The following MYH16 variants were observed in gnomAD, a reference collection of about 807,000 sequenced individuals.
MYH16 encodes the protein myosin heavy chain 16.
chr7:99,267,481 C>A (rs894151445), intron 18 of MYH16, among the ~76,000 whole-genome samples: 6 of 152,180 alleles, frequency 3.9e-5, no homozygotes, highest in African/African-American at 1.4e-4. Context: ...CCACCTGCCT[C>A]GGCCTCCCAA....
At chr7:99,249,884 G>A (rs1269272661) in intron 4 of MYH16, 1 of 152,560 alleles carries the variant, frequency 6.6e-6, no homozygotes, top group Admixed American at 6.6e-5. Context: ...TAGAAACGGG[G>A]TCTCACCATG....
chr7:99,272,802 G>A (rs1792065855), intron 19 of MYH16, among the ~76,000 whole-genome samples, 37 bp from the exon 1 acceptor site: 1 of 151,882 alleles, frequency 6.6e-6, no homozygotes, highest in African/African-American at 2.4e-5. Context: ...CTATTTCTTT[G>A]TGGTCATAGA....
At chr7:99,285,620 A>G (rs76160904) in intron 27 of MYH16, among the ~76,000 whole-genome samples, 182 bp downstream of exon 9, 2 of 152,210 alleles carry the variant, frequency 1.3e-5, no homozygotes, top group East Asian at 3.9e-4. Context: ...CACATTAATC[A>G]TGACGTGAAA....
chr7:99,260,304 C>A (rs1791925186), exon 12 of MYH16: 1 of 1,471,338 alleles, frequency 6.8e-7, no homozygotes, highest in Non-Finnish European at 9.5e-7. Context: ...TTGGCCTCGA[C>A]CTTCAGGCCT....
chr7:99,308,666 G>A (rs888100953), downstream of MYH16, among the ~76,000 whole-genome samples: 2 of 152,178 alleles, frequency 1.3e-5, no homozygotes, highest in African/African-American at 4.8e-5. Context: ...CTGGGGGTGG[G>A]CCCAGCATCT....
chr7:99,260,140 C>T, intron 11 of MYH16: 1 of 1,583,708 alleles, frequency 6.3e-7, no homozygotes, highest in Middle Eastern at 1.9e-4. Context: ...TGACGCCCCT[C>T]TTTCTGCCCT....
chr7:99,260,250 G>C (rs1245687055), exon 12 of MYH16: 2 of 1,607,194 alleles, frequency 1.2e-6, no homozygotes, highest in Non-Finnish European at 1.7e-6. Flanking sequence ...TGCTGGAGCA[G>C]GAGGAGTACA....
intron 38 of MYH16, among the ~76,000 whole-genome samples, chr7:99,302,315 T>TACACACACACAC (rs1369453226): frequency 2.6e-5 from 2 of 77,976 alleles, no homozygotes; most frequent in African/African-American, 1.7e-4. Flanking sequence ...AAAAAAAATA[T>TACACACACACAC]ATACACACAC....
intron 4 of MYH16, among the ~76,000 whole-genome samples, chr7:99,249,538 C>CAAAAA (rs1222006408): frequency 1.2e-4 from 6 of 50,046 alleles, no homozygotes; most frequent in East Asian, 6.4e-4. Context: ...GACCCTCTCT[C>CAAAAA]AAAAAAAAAA....
At chr7:99,239,371 A>T (rs1791636392) in intron 1 of MYH16, among the ~76,000 whole-genome samples, 1 of 152,194 alleles carries the variant, frequency 6.6e-6, no homozygotes, top group African/African-American at 2.4e-5. Flanking sequence ...TTTTCTAAGC[A>T]TGAGAGTGAG....
intron 31 of MYH16, among the ~76,000 whole-genome samples, chr7:99,291,938 G>A (rs1325945651): frequency 1.3e-5 from 2 of 151,896 alleles, no homozygotes; most frequent in African/African-American, 4.8e-5. Flanking sequence ...AGTGAAACTC[G>A]GTCTCAGGAA....
At position 99,291,519 on chromosome 7, in the gene MYH16, T is replaced by C. The variant is rs933975393; in HGVS notation, n.3952+69T>C. The C allele has an allele frequency of 1.9e-5, 8 of 423,432 alleles. No homozygotes were observed. In the Admixed American group the frequency reaches 2.1e-4, roughly 11 times the overall value. The allele number at this position is 423,432 out of a possible 1,614,324, so 26.2% of individuals were successfully genotyped here. ...TTAAAGTTATAGGTTACAGCTGGGG[T>C]TGGTGGCTCATGCCTGTAATCCCAG... On this transcript the variant is annotated intron_variant and non_coding_transcript_variant, in intron 31 of 41. Coordinates refer to ENST00000439784, the Ensembl canonical transcript of MYH16.
chr7:99,243,790 C>G, intron 2 of MYH16, among the ~76,000 whole-genome samples: 1 of 150,586 alleles, frequency 6.6e-6, no homozygotes, highest in South Asian at 2.1e-4. Flanking sequence ...TCTATCCATT[C>G]ATTCATCCAT....
intron 15 of MYH16, chr7:99,264,340 A>G (rs1342560056): frequency 1.3e-5 from 2 of 152,546 alleles, no homozygotes; most frequent in Admixed American, 6.6e-5. Flanking sequence ...CCTCCCTTTC[A>G]ATGTTGGGTA....
At chr7:99,289,002 T>C (rs1425798516) in intron 29 of MYH16, among the ~76,000 whole-genome samples, 2 of 151,916 alleles carry the variant, frequency 1.3e-5, no homozygotes, top group Non-Finnish European at 2.9e-5. Flanking sequence ...TGGTCCCAGC[T>C]ACTCAGGAGG....
At chr7:99,300,627 C>T (rs904971865) in intron 37 of MYH16, among the ~76,000 whole-genome samples, 4 of 152,026 alleles carry the variant, frequency 2.6e-5, no homozygotes, top group Non-Finnish European at 5.9e-5. Context: ...GGCATCATAG[C>T]GAGACCCCAT....
At chr7:99,295,941 A>T (rs1450213851) in intron 33 of MYH16, among the ~76,000 whole-genome samples, 1 of 151,450 alleles carries the variant, frequency 6.6e-6, no homozygotes, top group Non-Finnish European at 1.5e-5. Context: ...CAGGAGTTTG[A>T]GAGCAGCTTG....
chr7:99,284,179 T>C (rs895194921), intron 25 of MYH16, among the ~76,000 whole-genome samples, 161 bp downstream of exon 7: 2 of 152,144 alleles, frequency 1.3e-5, no homozygotes, highest in African/African-American at 4.8e-5. Flanking sequence ...AGGTAGGGGC[T>C]GCCCTGTCTG....
intron 13 of MYH16, among the ~76,000 whole-genome samples, chr7:99,262,399 A>G (rs1791947190): frequency 6.6e-6 from 1 of 152,228 alleles, no homozygotes; most frequent in Non-Finnish European, 1.5e-5. Context: ...TGCTTGTAAA[A>G]TGGATGTGGC....
Sources: gnomAD v4.1 joint callset for allele counts (sites outside exome capture counted in the v4.1 genomes callset) on GRCh38, gnomAD v4.1.1 for gene constraint, MANE v1.5 for transcripts, NCBI Gene and HGNC (gene_info 2026-07-23, HGNC 2026-07-21) for gene names.